GABPA: variants seen among roughly 807,000 people sequenced by gnomAD.
The protein encoded by GABPA is GA-binding protein alpha chain.
GABPA carries 4 observed loss-of-function variants against 59.4 expected under a neutral mutation model. That is an observed-to-expected ratio of 0.07 (90% CI 0.03 to 0.15). GABPA has a LOEUF of 0.15. Among genes scored for constraint, GABPA ranks in the 10% least tolerant of loss-of-function variants. GABPA has a pLI of 1.00. For synonymous variants in GABPA, 164 were observed against 183.1 expected (o/e 0.90, Z 0.84); for missense variants, 251 against 543.8 (o/e 0.46, Z 5.36).
At chr21:25,737,262 C>G (rs2035098130) in intron 1 of GABPA, among the ~76,000 whole-genome samples, 1 of 152,166 alleles carries the variant, frequency 6.6e-6, no homozygotes, top group Non-Finnish European at 1.5e-5. Context: ...GTAATTTTCT[C>G]TCAGTTTTCC....
chr21:25,735,206 C>A lies in GABPA; in HGVS notation c.-399C>A. ...AGTGGCCTTTCCCCTAGTTCAAGCT[C>A]CCCTCCGAGTCAGCGTCCTGTTCGT... On this transcript the variant is annotated 5_prime_UTR_variant, in exon 1 of 10. Transcript: ENST00000400075. The A allele has an allele frequency of 8.4e-6, 5 of 593,458 alleles. No individual in the cohort carries two copies. The South Asian group carries it at 9.9e-5, about 12-fold the overall frequency. 36.8% of individuals were successfully genotyped at this position (593,458 alleles called of 1,614,324 possible).
chr21:25,751,701 A>C (rs2035517014), intron 4 of GABPA, among the ~76,000 whole-genome samples: 1 of 151,740 alleles, frequency 6.6e-6, no homozygotes, highest in Non-Finnish European at 1.5e-5. Context: ...TATTTATTTT[A>C]TTGTGGTAAG....
chr21:25,743,179 G>T (rs1280618494), intron 2 of GABPA, among the ~76,000 whole-genome samples: 2 of 152,272 alleles, frequency 1.3e-5, no homozygotes, highest in South Asian at 4.1e-4. Context: ...CTCATGGGAT[G>T]GCAGCTGGCT....
At chr21:25,762,967 C>G (rs549046153) in intron 7 of GABPA, 81 of 378,288 alleles carry the variant, frequency 2.1e-4, no homozygotes, top group South Asian at 2.1e-3. Flanking sequence ...GCCGCCTCCA[C>G]TACTTTTGCT....
At chr21:25,756,675 A>C (rs2035644937) in intron 5 of GABPA, among the ~76,000 whole-genome samples, 1 of 152,198 alleles carries the variant, frequency 6.6e-6, no homozygotes, top group Non-Finnish European at 1.5e-5. Context: ...TCTCCTGCAC[A>C]CAAGCTAAGA....
intron 1 of GABPA, among the ~76,000 whole-genome samples, chr21:25,735,985 C>T (rs1427705481): frequency 1.3e-5 from 2 of 152,234 alleles, no homozygotes; most frequent in Non-Finnish European, 1.5e-5. Flanking sequence ...GACCCTGTCT[C>T]ATCGCGGGAC....
At position 25,735,054 on chromosome 21, in the gene GABPA, G is replaced by T; in HGVS notation, c.-551G>T. Reference sequence around the variant, plus strand: ...GTCTAGGTGAGACAGAAGCCAAACAGGAGGAGGAAGTGGAGGGTAAGTGCT... The same window carrying T: ...GTCTAGGTGAGACAGAAGCCAAACATGAGGAGGAAGTGGAGGGTAAGTGCT... On this transcript the variant is annotated 5_prime_UTR_variant, in exon 1 of 10. The change creates a new upstream start codon in the 5' untranslated region. Coordinates refer to ENST00000400075, the MANE Select transcript of GABPA (RefSeq NM_002040.4). 7.9e-7 allele frequency: 1 copy of T among 1,273,004 alleles called. No homozygotes were observed. Among genetic ancestry groups the T allele is most frequent in the Non-Finnish European group, 1.1e-6 (1 of 903,954 alleles). 78.9% of individuals were successfully genotyped at this position (1,273,004 alleles called of 1,614,324 possible). A position where few individuals can be genotyped will look rare whatever the true frequency, so the allele number is the denominator to read the frequency against.
At chr21:25,755,453 A>AAC (rs144668585) in intron 5 of GABPA, among the ~76,000 whole-genome samples, 11 of 145,248 alleles carry the variant, frequency 7.6e-5, no homozygotes, top group African/African-American at 2.9e-4. Context: ...AAAAAAAAAA[A>AAC]GGGCAAAGAA....
chr21:25,738,026 C>T (rs1191670344), intron 1 of GABPA, among the ~76,000 whole-genome samples: 1 of 152,132 alleles, frequency 6.6e-6, no homozygotes, highest in Non-Finnish European at 1.5e-5. Context: ...TCAATCAATC[C>T]TGTTAACCAA....
In GABPA at chr21:25,770,213, A is replaced by G. The variant is rs1481349097; in HGVS notation, c.*981A>G. ...TCAAGGCATTAGTAAATTACTTGCA[A>G]ATAGTTTTAAAAGGAAAATACGACC... On this transcript the variant is annotated 3_prime_UTR_variant, in exon 10 of 10. Coordinates refer to ENST00000400075, the MANE Select transcript of GABPA (RefSeq NM_002040.4). The G allele has an allele frequency of 1.3e-5, 2 of 152,374 alleles. No individual in the cohort carries two copies. Among genetic ancestry groups the G allele is most frequent in the Non-Finnish European group, 2.9e-5 (2 of 67,964 alleles). 9.4% of individuals were successfully genotyped at this position (152,374 alleles called of 1,614,324 possible). A position where few individuals can be genotyped will look rare whatever the true frequency, so the allele number is the denominator to read the frequency against.
At chr21:25,737,188 C>CAA (rs2035094942) in intron 1 of GABPA, among the ~76,000 whole-genome samples, 1 of 152,218 alleles carries the variant, frequency 6.6e-6, no homozygotes, top group Non-Finnish European at 1.5e-5. Flanking sequence ...ACCAGAGTGT[C>CAA]AAAGTATATG....
rs2035977893 is a variant in GABPA, at chr21:25,770,009, A to C, written c.*777A>C. The C allele has an allele frequency of 6.6e-6, 1 of 152,620 alleles. No homozygotes were observed. The highest frequency in any genetic ancestry group is 1.5e-5 in the Non-Finnish European group (1 of 68,006). 9.5% of individuals were successfully genotyped at this position (152,620 alleles called of 1,614,324 possible). ...TAAAATGATCTCTGTTTTTCCTGTCAGAGATTTAAAAAACTGAAAAGGTAT... is the reference window on the plus strand; with the variant it reads ...TAAAATGATCTCTGTTTTTCCTGTCCGAGATTTAAAAAACTGAAAAGGTAT... On this transcript the variant is annotated 3_prime_UTR_variant, in exon 10 of 10. Coordinates refer to ENST00000400075, the MANE Select transcript of GABPA (RefSeq NM_002040.4).
intron 1 of GABPA, among the ~76,000 whole-genome samples, chr21:25,740,756 A>G (rs931181614): frequency 1.3e-5 from 2 of 152,200 alleles, no homozygotes; most frequent in African/African-American, 4.8e-5. Context: ...GCATATCTGT[A>G]ATTTGTTACT....
At chr21:25,757,261 G>T (rs922532839) in intron 5 of GABPA, among the ~76,000 whole-genome samples, 1 of 152,064 alleles carries the variant, frequency 6.6e-6, no homozygotes, top group Non-Finnish European at 1.5e-5. Flanking sequence ...TATTAGGTGC[G>T]GGTGATACAG....
intron 3 of GABPA, among the ~76,000 whole-genome samples, chr21:25,746,390 T>C (rs2035365972): frequency 6.6e-6 from 1 of 152,208 alleles, no homozygotes; most frequent in Non-Finnish European, 1.5e-5. Flanking sequence ...ATTTATTTTA[T>C]TCTTTACTCC....
At chr21:25,744,337 TATAA>T (rs2035305762) in intron 2 of GABPA, among the ~76,000 whole-genome samples, 2 of 152,078 alleles carry the variant, frequency 1.3e-5, no homozygotes, top group Non-Finnish European at 2.9e-5. Flanking sequence ...AAAATTAAAA[TATAA>T]ATAAATATTT....
At chr21:25,745,422 T>C (rs2035336073) in intron 3 of GABPA, 68 bp downstream of exon 3, 2 of 1,419,762 alleles carry the variant, frequency 1.4e-6, no homozygotes, top group Admixed American at 1.9e-5. Flanking sequence ...TTTGTTAGCC[T>C]TTTCTTTATA....
At chr21:25,748,150 C>T (rs563327247) in intron 3 of GABPA, among the ~76,000 whole-genome samples, 1 of 152,290 alleles carries the variant, frequency 6.6e-6, no homozygotes, top group Admixed American at 6.5e-5. Flanking sequence ...AGGTGATCCA[C>T]CTGCCTTGGA....
intron 5 of GABPA, among the ~76,000 whole-genome samples, chr21:25,756,237 T>C (rs1172555235): frequency 6.6e-6 from 1 of 152,224 alleles, no homozygotes; most frequent in Non-Finnish European, 1.5e-5. Flanking sequence ...TTTGTTTTTC[T>C]TTTAAAAGAG....
Sources: allele counts gnomAD v4.1 joint callset (sites outside exome capture counted in the v4.1 genomes callset), GRCh38; gene constraint gnomAD v4.1.1; transcripts MANE v1.5; gene names NCBI Gene and HGNC (gene_info 2026-07-23, HGNC 2026-07-21).